RALGPS2: variants seen among roughly 807,000 people sequenced by gnomAD.
RALGPS2 encodes the protein Ral GEF with PH domain and SH3 binding motif 2.
Under a neutral mutation model 86.8 loss-of-function variants are expected in RALGPS2, and 43 were observed. The observed-to-expected ratio is 0.50, with a 90% CI of 0.39 to 0.64. The LOEUF (loss-of-function observed/expected upper bound fraction) is 0.64. Ranked by LOEUF, RALGPS2 falls within the 30% of genes least tolerant of loss-of-function variation. RALGPS2 has a pLI of 0.00. For synonymous variants in RALGPS2, 243 were observed against 231.3 expected (o/e 1.05, Z -0.46); for missense variants, 536 against 694.6 (o/e 0.77, Z 2.57).
intron 1 of RALGPS2, among the ~76,000 whole-genome samples, chr1:178,766,038 G>C (rs182067113): frequency 6.6e-6 from 1 of 152,114 alleles, no homozygotes; most frequent in Non-Finnish European, 1.5e-5. Context: ...CAAAGATGAC[G>C]GGATTAAGAG....
intron 19 of RALGPS2, among the ~76,000 whole-genome samples, chr1:178,909,643 A>ATTTTTTTTTTTTTTTTTTTTTTT (rs57890269): frequency 1.4e-5 from 1 of 72,382 alleles, no homozygotes; most frequent in Non-Finnish European, 2.5e-5. Context: ...TTCTTTTTTA[A>ATTTTTTTTTTTTTTTTTTTTTTT]TTTTTTTTTT....
intron 1 of RALGPS2, among the ~76,000 whole-genome samples, chr1:178,755,497 G>GA (rs543843166): frequency 3.9e-5 from 6 of 152,198 alleles, no homozygotes; most frequent in Non-Finnish European, 8.8e-5. Context: ...CTGCATCCAT[G>GA]TTGCTGCGAA....
chr1:178,878,428 T>C (rs1007550435), intron 9 of RALGPS2, among the ~76,000 whole-genome samples: 1 of 152,142 alleles, frequency 6.6e-6, no homozygotes, highest in African/African-American at 2.4e-5. Flanking sequence ...GGAGATAGAA[T>C]CTTACTGAAA....
chr1:178,814,571 G>A (rs955728495), intron 6 of RALGPS2, among the ~76,000 whole-genome samples: 7 of 152,134 alleles, frequency 4.6e-5, no homozygotes, highest in Admixed American at 2.6e-4. Context: ...GAATAGTTAG[G>A]ATTACAGGCA....
At chr1:178,810,450 T>C (rs1033766812) in intron 5 of RALGPS2, among the ~76,000 whole-genome samples, 3 of 152,040 alleles carry the variant, frequency 2.0e-5, no homozygotes, top group Admixed American at 6.6e-5. Context: ...TTTAATTAAG[T>C]TGGTGAACAT....
chr1:178,853,656 T>C (rs770828529), intron 8 of RALGPS2: 1 of 1,612,594 alleles, frequency 6.2e-7, no homozygotes, highest in East Asian at 2.2e-5. Flanking sequence ...TGAATAACAG[T>C]CCAACCCCCA....
At chr1:178,725,506 G>T (rs1649920557) in intron 1 of RALGPS2, 87 bp downstream of exon 1, 1 of 153,034 alleles carries the variant, frequency 6.5e-6, no homozygotes, top group African/African-American at 2.4e-5. Flanking sequence ...GCGGGGAATG[G>T]CGGCGGCGGC....
At chr1:178,907,331 A>G (rs1660429676) in intron 19 of RALGPS2, among the ~76,000 whole-genome samples, 1 of 152,246 alleles carries the variant, frequency 6.6e-6, no homozygotes, top group Non-Finnish European at 1.5e-5. Context: ...TATAGTAGTC[A>G]GAGTATAGTT....
In RALGPS2 at chr1:178,885,218, A is replaced by AT; in HGVS notation, c.1040+12dup. 1 of 1,600,048 alleles carries AT rather than the reference A, an allele frequency of 6.2e-7. No individual in the cohort carries two copies. ...GCCATAGTTTGGGTTATAAGTCAGC[A>AT]TTTTTAATTTTATCTTTCAAATTTT... is the stretch of plus-strand genomic sequence containing the variant. On this transcript the variant is annotated splice_region_variant and intron_variant, in intron 12 of 19. Coordinates refer to ENST00000367635, the MANE Select transcript of RALGPS2 (RefSeq NM_152663.5).
intron 4 of RALGPS2, among the ~76,000 whole-genome samples, chr1:178,796,232 G>A (rs2102157195): frequency 6.6e-6 from 1 of 152,224 alleles, no homozygotes; most frequent in Admixed American, 6.5e-5. Context: ...AACATATTGG[G>A]AGGAAGGAAG....
At chr1:178,808,657 G>T (rs1318689089) in intron 5 of RALGPS2, among the ~76,000 whole-genome samples, 2 of 152,026 alleles carry the variant, frequency 1.3e-5, no homozygotes, top group African/African-American at 2.4e-5. Flanking sequence ...TTATTCATGA[G>T]AATTTTGCTG....
chr1:178,728,965 A>G (rs1388059361), intron 1 of RALGPS2, among the ~76,000 whole-genome samples: 1 of 152,230 alleles, frequency 6.6e-6, no homozygotes, highest in Non-Finnish European at 1.5e-5. Context: ...GGATCTATAT[A>G]TACATACAGT....
rs1158253788 is a variant in RALGPS2 at position 178,917,112 on chromosome 1, T to C, written c.*753T>C. On this transcript the variant is annotated 3_prime_UTR_variant, in exon 20 of 20. Coordinates refer to ENST00000367635, the MANE Select transcript of RALGPS2 (RefSeq NM_152663.5). ...GTTCATTTGCCAGACGCTTTTTTTT[T>C]AAATAGGTTCCAGAAAACATGGTTG... 6.6e-6 allele frequency: 1 copy of C among 152,172 alleles called. No individual in the cohort carries two copies. The highest frequency in any genetic ancestry group is 1.5e-5 in the Non-Finnish European group (1 of 68,020). 9.4% of individuals were successfully genotyped at this position (152,172 alleles called of 1,614,324 possible).
At position 178,877,553 on chromosome 1, in the gene RALGPS2, C is replaced by T. The variant is rs1460705279; in HGVS notation, c.663C>T (p.Ser221=). 1.2e-6 allele frequency: 2 copies of T among 1,613,440 alleles called. No homozygotes were observed. Among genetic ancestry groups the T allele is most frequent in the Non-Finnish European group, 1.7e-6 (2 of 1,179,636 alleles). Residue 221 remains serine (S), a synonymous_variant, in exon 9 of 20, where the codon AGC becomes AGT. Transcript: ENST00000367635. ...ATTCAGCATACCCATCAACTGGCAG[C>T]ATTCTAGAAAATGAGCAAAGATCAA... is the stretch of plus-strand genomic sequence containing the variant. ...YIDSAYPSTG[S]ILENEQRSNL... is the part of the protein sequence containing the mutation.
intron 19 of RALGPS2, among the ~76,000 whole-genome samples, chr1:178,914,188 G>C (rs1159936285): frequency 1.3e-5 from 2 of 152,166 alleles, no homozygotes; most frequent in South Asian, 4.1e-4. Flanking sequence ...ACCTAGAGGA[G>C]TATGAAGAGC....
chr1:178,727,139 T>C (rs1458782810), intron 1 of RALGPS2, among the ~76,000 whole-genome samples: 1 of 152,222 alleles, frequency 6.6e-6, no homozygotes, highest in Non-Finnish European at 1.5e-5. Flanking sequence ...ACAATTTCAG[T>C]GTATTTATTT....
At chr1:178,912,640 G>A (rs955430681) in intron 19 of RALGPS2, among the ~76,000 whole-genome samples, 13 of 152,056 alleles carry the variant, frequency 8.5e-5, no homozygotes, top group Non-Finnish European at 1.3e-4. Context: ...CTTGGAGAAT[G>A]TGATGATTAA....
chr1:178,755,476 A>G (rs1651907135), intron 1 of RALGPS2, among the ~76,000 whole-genome samples: 1 of 152,200 alleles, frequency 6.6e-6, no homozygotes, highest in South Asian at 2.1e-4. Context: ...GCTTAGGATA[A>G]TGGCCTCTAG....
chr1:178,808,180 A>G (rs917012501), intron 5 of RALGPS2, 52 bp downstream of exon 5: 2 of 1,194,452 alleles, frequency 1.7e-6, no homozygotes, highest in Non-Finnish European at 2.5e-6. Context: ...CTCAATATAT[A>G]CTTTTTCCTT....
Sources: allele counts gnomAD v4.1 joint callset (sites outside exome capture counted in the v4.1 genomes callset), GRCh38; gene constraint gnomAD v4.1.1; transcripts MANE v1.5; gene names NCBI Gene and HGNC (gene_info 2026-07-23, HGNC 2026-07-21).